The following CEP95 variants were observed in gnomAD, a reference collection of about 807,000 sequenced individuals.
The protein encoded by CEP95 is centrosomal protein of 95 kDa.
In CEP95, 98 loss-of-function variants were observed where a neutral mutation model predicts 111.2. The ratio of observed to expected loss-of-function variants is 0.88; its 90% CI spans 0.75 to 1.04. CEP95 has a LOEUF of 1.04. CEP95 is among the 50% of genes least tolerant of loss of function. The pLI is 0.00. For missense variants in CEP95, 1,027 were observed against 977.2 expected (o/e 1.05, Z -0.68); for synonymous variants, 323 against 327.1 (o/e 0.99, Z 0.14).
At chr17:64,506,768 C>T (rs1197050967), upstream of CEP95, 7 of 516,100 alleles carry the variant, frequency 1.4e-5, no homozygotes, top group East Asian at 3.5e-5. Flanking sequence ...AAGTGCGCTG[C>T]TCGCACCCCG....
At chr17:64,519,668 CGGTTCCTTATAACCT>C (rs1555677235) in intron 6 of CEP95, among the ~76,000 whole-genome samples, 1 of 152,118 alleles carries the variant, frequency 6.6e-6, no homozygotes, top group Non-Finnish European at 1.5e-5. Context: ...AGGTAATTTG[CGGTTCCTTATAACCT>C]GGGAAGAGAA....
chr17:64,527,170 T>G lies in CEP95; in HGVS notation c.1212T>G (p.Asn404Lys). Residue 404 changes from asparagine to lysine, a missense_variant, in exon 11 of 20, where the codon AAT becomes AAG. Asn to Lys is a moderately conservative substitution (Grantham distance 94). Transcript: ENST00000556440. ...AAAAGACTGACCATAAAGAAGAAAA[T>G]ACTGGAAATGAGGAGGTAGAGGATG... ...IKEKTDHKEE[N>K]TGNEEVEDGT... 6.2e-7 allele frequency: 1 copy of G among 1,613,184 alleles called. No individual in the cohort carries two copies. Among genetic ancestry groups the G allele is most frequent in the Non-Finnish European group, 8.5e-7 (1 of 1,179,500 alleles).
In CEP95 at chr17:64,535,276, G is replaced by GT. The variant is rs548398521; in HGVS notation, c.2070+540dup. Reference sequence around the variant, plus strand: ...TCTAGAGGAAGGCTTTGAGGAGAGCGTAAGTAACTTGTCTGTAGCTCATGA... The same window carrying GT: ...TCTAGAGGAAGGCTTTGAGGAGAGCGTTAAGTAACTTGTCTGTAGCTCATGA... On this transcript the variant is annotated intron_variant, in intron 17 of 19. Transcript: ENST00000556440. The GT allele has an allele frequency of 1.8e-4, 29 of 160,200 alleles. No homozygotes were observed. In the South Asian group the frequency reaches 4.4e-3, roughly 24 times the overall value. 9.9% of individuals were successfully genotyped at this position (160,200 alleles called of 1,614,324 possible). A position where few individuals can be genotyped will look rare whatever the true frequency, so the allele number is the denominator to read the frequency against.
chr17:64,508,532 G>T, intron 1 of CEP95, 60 bp from the exon 2 acceptor site: 1 of 1,282,038 alleles, frequency 7.8e-7, no homozygotes, highest in Non-Finnish European at 1.0e-6. Context: ...TTTTTTAAAT[G>T]TCTGTGTGAT....
In CEP95 at chr17:64,509,871, T is replaced by C. The variant is rs142044694; in HGVS notation, c.149-302T>C. Among the ~76,000 whole-genome samples the C allele has an allele frequency of 3.1e-3, 472 of 152,118 alleles. 1 individual carries two copies. The highest frequency in any genetic ancestry group is 0.011 in the African/African-American group (452 of 41,498). On this transcript the variant is annotated intron_variant, in intron 2 of 19. Transcript: ENST00000556440. The stretch of plus-strand genomic sequence containing the variant: ...CACTTTATCTTCCTTAACATGGTGC[T>C]TCTTGTAAAGCATATTCATGTATAT...
chr17:64,516,459 A>T (rs1555676295), intron 4 of CEP95, among the ~76,000 whole-genome samples: 5 of 151,770 alleles, frequency 3.3e-5, no homozygotes, highest in African/African-American at 1.2e-4. Flanking sequence ...TATTGAATGG[A>T]CCTGCCACTG....
Position 64,537,667 on chromosome 17 carries a change from A to G in CEP95, c.2354A>G (p.Asp785Gly), listed in dbSNP as rs1555681913. ...KMEKEIQQLQDMITQNDDDVF... is the reference protein window; with the variant it reads ...KMEKEIQQLQGMITQNDDDVF... ...GAGAAGGAAATTCAGCAGCTGCAGG[A>G]CATGATAACACAGAATGATGATGAT... The change falls in exon 20 of 20, where the codon GAC (aspartate) becomes GGC (glycine). Residue 785 changes from aspartate (D) to glycine (G), a missense_variant. Coordinates refer to ENST00000556440, the MANE Select transcript of CEP95 (RefSeq NM_138363.3). The G allele has an allele frequency of 5.6e-6, 9 of 1,613,426 alleles. No homozygotes were observed. Among genetic ancestry groups the G allele is most frequent in the Non-Finnish European group, 6.8e-6 (8 of 1,179,546 alleles).
Position 64,534,660 on chromosome 17 carries a change from C to G in CEP95, c.1993C>G (p.Arg665Gly), listed in dbSNP as rs376949691. 1.2e-6 allele frequency: 2 copies of G among 1,613,572 alleles called. No individual in the cohort carries two copies. Among genetic ancestry groups the G allele is most frequent in the Admixed American group, 1.7e-5 (1 of 59,990 alleles). ...KIKENRQQIVRARKYYDDYRV... is the reference protein window; with the variant it reads ...KIKENRQQIVGARKYYDDYRV... ...AAAAGAAAATCGACAGCAAATCGTT[C>G]GTGCTCGAAAATATTATGATGATTA... The change falls in exon 17 of 20, where the codon CGT becomes GGT. Residue 665 changes from arginine (R) to glycine (G), a missense_variant. By Grantham distance (125) the Arg-to-Gly change is moderately radical. Coordinates refer to ENST00000556440, the MANE Select transcript of CEP95 (RefSeq NM_138363.3).
intron 5 of CEP95, among the ~76,000 whole-genome samples, chr17:64,518,689 T>C (rs1168253035): frequency 3.9e-5 from 6 of 152,172 alleles, no homozygotes; most frequent in Non-Finnish European, 2.9e-5. Flanking sequence ...ATGAAATTTT[T>C]TTTTTTTTGA....
At position 64,526,080 on chromosome 17, in the gene CEP95, CAG is replaced by C. The variant is rs782416538; in HGVS notation, c.1035_1036del (p.Arg345SerfsTer25). 1.1e-5 allele frequency: 17 copies of C among 1,611,732 alleles called. No individual in the cohort carries two copies. Among genetic ancestry groups the C allele is most frequent in the African/African-American group, 2.7e-5 (2 of 74,772 alleles). ...GTCACTTTTATTACAGAAATGAAAA[CAG>C]AGCTACAGCCTCATCCTGCAATTCA... ...KPPKGKRNENRATASSCNSPF... is the reference protein window; with the variant it reads ...KPPKGKRNENXATASSCNSPF... On this transcript the variant is annotated frameshift_variant, in exon 10 of 20. Transcript: ENST00000556440. LOFTEE classifies it high-confidence loss of function.
chr17:64,519,476 TA>T (rs781940912), intron 6 of CEP95, 40 bp downstream of exon 6: 1 of 1,409,632 alleles, frequency 7.1e-7, no homozygotes, highest in Admixed American at 1.7e-5. Flanking sequence ...TTATTCAACA[TA>T]CAACTATAAA....
chr17:64,523,579 G>A lies in CEP95; in HGVS notation c.909+684G>A, dbSNP rs1019293959. ...AAGACTTCATCTCAAAAAAAAAAAA[G>A]AAAAAACCTTTTTTATATAGTCATC... On this transcript the variant is annotated intron_variant, in intron 8 of 19. Coordinates refer to ENST00000556440, the MANE Select transcript of CEP95 (RefSeq NM_138363.3). Among the ~76,000 whole-genome samples the A allele has an allele frequency of 4.8e-5, 7 of 146,866 alleles. No individual in the cohort carries two copies. In the South Asian group the frequency reaches 6.5e-4, roughly 14 times the overall value.
chr17:64,515,267 C>T (rs2039083110), intron 4 of CEP95, among the ~76,000 whole-genome samples: 2 of 151,988 alleles, frequency 1.3e-5, no homozygotes, highest in Admixed American at 1.3e-4. Context: ...TAACTACATA[C>T]AATAAAAGCA....
intron 19 of CEP95, 103 bp downstream of exon 19, chr17:64,537,215 G>A: frequency 6.6e-7 from 1 of 1,522,446 alleles, no homozygotes; most frequent in Middle Eastern, 1.7e-4. Flanking sequence ...GTATCATATA[G>A]CCCCGGTGTG....
rs934184334 is a variant in CEP95 at position 64,509,901 on chromosome 17, A to G, written c.149-272A>G. On this transcript the variant is annotated intron_variant, in intron 2 of 19. Transcript: ENST00000556440. ...GTAAAGCATATTCATGTATATCTAT[A>G]TATCTATATATATATATATGGTGTA... 5.9e-5 allele frequency among the ~76,000 whole-genome samples: 9 copies of G among 151,518 alleles called. 1 individual carries two copies. The highest frequency in any genetic ancestry group is 2.1e-4 in the South Asian group (1 of 4,826).
chr17:64,517,572 C>T (rs1966966996), intron 5 of CEP95, among the ~76,000 whole-genome samples: 1 of 151,800 alleles, frequency 6.6e-6, no homozygotes, highest in Non-Finnish European at 1.5e-5. Context: ...GAGACAGGGT[C>T]TTGCTCTGAC....
In CEP95 at chr17:64,537,820, T is replaced by G; in HGVS notation, c.*41T>G. 2.2e-6 allele frequency: 3 copies of G among 1,339,650 alleles called. No homozygotes were observed. Among genetic ancestry groups the G allele is most frequent in the Non-Finnish European group, 3.0e-6 (3 of 990,740 alleles). 83.0% of individuals were successfully genotyped at this position (1,339,650 alleles called of 1,614,324 possible). A position where few individuals can be genotyped will look rare whatever the true frequency, so the allele number is the denominator to read the frequency against. ...TAGTAGGTGAAGGTTCTGGAGGCCTTTACCAGGACAGAGCTAGAATCGAGC... is the reference window on the plus strand; with the variant it reads ...TAGTAGGTGAAGGTTCTGGAGGCCTGTACCAGGACAGAGCTAGAATCGAGC... On this transcript the variant is annotated 3_prime_UTR_variant, in exon 20 of 20. Coordinates refer to ENST00000556440, the MANE Select transcript of CEP95 (RefSeq NM_138363.3).
In CEP95 at chr17:64,537,807, G is replaced by C. The variant is rs1264863199; in HGVS notation, c.*28G>C. 6.8e-7 allele frequency: 1 copy of C among 1,462,002 alleles called. No homozygotes were observed. Among genetic ancestry groups the C allele is most frequent in the Non-Finnish European group, 9.2e-7 (1 of 1,082,656 alleles). The allele number at this position is 1,462,002 out of a possible 1,614,324, so 90.6% of individuals were successfully genotyped here. ...CCAGACTTGATAATAGTAGGTGAAG[G>C]TTCTGGAGGCCTTTACCAGGACAGA... On this transcript the variant is annotated 3_prime_UTR_variant, in exon 20 of 20. Transcript: ENST00000556440.
chr17:64,523,478 T>C (rs1967533177), intron 8 of CEP95, among the ~76,000 whole-genome samples: 1 of 152,106 alleles, frequency 6.6e-6, no homozygotes, highest in Non-Finnish European at 1.5e-5. Flanking sequence ...TGAACCACTG[T>C]TAACATATTG....
Sources: allele counts gnomAD v4.1 joint callset (sites outside exome capture counted in the v4.1 genomes callset), GRCh38; gene constraint gnomAD v4.1.1; transcripts MANE v1.5; gene names NCBI Gene and HGNC (gene_info 2026-07-23, HGNC 2026-07-21).